Variants in NAV2 observed in about 807,000 individuals in gnomAD.
The protein encoded by NAV2 is helicase, APC down-regulated 1.
In NAV2, 54 loss-of-function variants were observed where a neutral mutation model predicts 223.2. That is an observed-to-expected ratio of 0.24 (90% CI 0.19 to 0.30). The LOEUF is 0.30. Among genes scored for constraint, NAV2 ranks in the 10% least tolerant of loss-of-function variants. The probability of loss-of-function intolerance (pLI) is 1.00; values close to 1 mark genes in which losing one functional copy is unlikely to be tolerated. For synonymous variants in NAV2, 1,279 were observed against 1,239.3 expected (o/e 1.03, Z -0.67); for missense variants, 2,806 against 3,147.5 (o/e 0.89, Z 2.60).
At chr11:19,351,120 G>T (rs1232868639) in intron 1 of NAV2, 1 of 1,274,108 alleles carries the variant, frequency 7.8e-7, no homozygotes, top group Non-Finnish European at 1.1e-6. Flanking sequence ...GAGCATGCTT[G>T]TCTGTCTTTC....
At chr11:19,582,998 C>T (rs1443737423) in intron 1 of NAV2, among the ~76,000 whole-genome samples, 1 of 152,196 alleles carries the variant, frequency 6.6e-6, no homozygotes, top group Non-Finnish European at 1.5e-5. Context: ...ATTGATTCTT[C>T]CTAACCATGA....
chr11:19,471,449 G>C (rs569987016), intron 1 of NAV2, among the ~76,000 whole-genome samples: 1 of 152,092 alleles, frequency 6.6e-6, no homozygotes, highest in African/African-American at 2.4e-5. Flanking sequence ...CCTCTGTGCC[G>C]GCCATGTGGT....
chr11:19,506,578 C>T (rs542549859), intron 1 of NAV2: 1 of 152,276 alleles, frequency 6.6e-6, no homozygotes, highest in Non-Finnish European at 1.5e-5. Flanking sequence ...TTGTGCCTGG[C>T]ACCTAGCAGG....
intron 1 of NAV2, among the ~76,000 whole-genome samples, chr11:19,726,926 C>G (rs1274439643): frequency 6.6e-6 from 1 of 152,234 alleles, no homozygotes; most frequent in Non-Finnish European, 1.5e-5. Context: ...GTCGCCACCT[C>G]TGTCTGGAGG....
chr11:19,501,694 G>A (rs757678705), intron 1 of NAV2, among the ~76,000 whole-genome samples: 21 of 151,966 alleles, frequency 1.4e-4, no homozygotes, highest in Admixed American at 3.3e-4. Flanking sequence ...TTCTCTTAGT[G>A]TAAAGATACT....
intron 6 of NAV2, among the ~76,000 whole-genome samples, chr11:19,921,576 C>T (rs2044273290): frequency 6.6e-6 from 1 of 152,166 alleles, no homozygotes; most frequent in Non-Finnish European, 1.5e-5. Flanking sequence ...TGACAGAAGG[C>T]TTGATGAAAA....
intron 11 of NAV2, among the ~76,000 whole-genome samples, chr11:20,024,614 G>A (rs954476371): frequency 8.5e-5 from 13 of 152,246 alleles, no homozygotes; most frequent in African/African-American, 2.9e-4. Context: ...ATCTTGACCT[G>A]AGGTCCCTTC....
At chr11:20,053,568 T>C (rs937594416) in intron 17 of NAV2, among the ~76,000 whole-genome samples, 3 of 152,336 alleles carry the variant, frequency 2.0e-5, no homozygotes, top group African/African-American at 2.4e-5. Flanking sequence ...TGAAGATTTG[T>C]TTGTGCTCTA....
At chr11:19,805,011 C>T (rs2058474995) in intron 1 of NAV2, among the ~76,000 whole-genome samples, 1 of 152,280 alleles carries the variant, frequency 6.6e-6, no homozygotes, top group East Asian at 1.9e-4. Flanking sequence ...ATCAGGGCAC[C>T]TGCTTAAGTG....
At chr11:20,107,570 C>A in intron 35 of NAV2, 94 bp from the exon 36 acceptor site, 2 of 940,894 alleles carry the variant, frequency 2.1e-6, no homozygotes, top group Non-Finnish European at 1.7e-6. Flanking sequence ...CGTCTAGGGT[C>A]CCTCCTGTGA....
chr11:20,113,503 A>G (rs1318452524), intron 36 of NAV2, among the ~76,000 whole-genome samples: 1 of 152,212 alleles, frequency 6.6e-6, no homozygotes, highest in African/African-American at 2.4e-5. Context: ...CATGGTGTTG[A>G]TCTTACCATA....
chr11:19,702,405 G>A (rs1358464804), intron 1 of NAV2, among the ~76,000 whole-genome samples: 1 of 152,204 alleles, frequency 6.6e-6, no homozygotes, highest in Non-Finnish European at 1.5e-5. Flanking sequence ...TGAAAAAGGA[G>A]AGGGCAGAGA....
rs1311105335 is a variant in NAV2, at chr11:19,872,101, T to G, written c.511+3104T>G. 2.6e-5 allele frequency among the ~76,000 whole-genome samples: 4 copies of G among 152,264 alleles called. No individual in the cohort carries two copies. The East Asian group carries it at 7.7e-4, about 29-fold the overall frequency. ...AAAGTGGCCCCAACGTCTGCCACAT[T>G]CTCAAACTTACAAAAAGCAAGGGTA... On this transcript the variant is annotated intron_variant, in intron 4 of 37. Coordinates refer to ENST00000349880, the MANE Select transcript of NAV2 (RefSeq NM_145117.5).
intron 11 of NAV2, among the ~76,000 whole-genome samples, chr11:20,029,283 G>T (rs1243243302): frequency 1.3e-5 from 2 of 152,190 alleles, no homozygotes; most frequent in Non-Finnish European, 2.9e-5. Context: ...GAACCCTCAC[G>T]GGTGGTAGTT....
At chr11:19,726,246 G>C (rs538861273) in intron 1 of NAV2, among the ~76,000 whole-genome samples, 11 of 152,262 alleles carry the variant, frequency 7.2e-5, no homozygotes, top group Non-Finnish European at 1.3e-4. Context: ...GGAAAGAGAG[G>C]CGTGTCAGAC....
At chr11:19,602,810 C>T (rs893486039) in intron 1 of NAV2, among the ~76,000 whole-genome samples, 4 of 144,186 alleles carry the variant, frequency 2.8e-5, no homozygotes, top group African/African-American at 1.0e-4. Context: ...ATTTAGGGGC[C>T]ACCCTAATCT....
intron 1 of NAV2, among the ~76,000 whole-genome samples, chr11:19,806,660 AG>A (rs1198367596): frequency 1.3e-5 from 2 of 152,178 alleles, no homozygotes; most frequent in African/African-American, 4.8e-5. Context: ...ATTTCTAAAG[AG>A]GGGATGGAGA....
chr11:20,088,832 G>A (rs748143369), intron 26 of NAV2, among the ~76,000 whole-genome samples: 1 of 152,128 alleles, frequency 6.6e-6, no homozygotes, highest in Non-Finnish European at 1.5e-5. Context: ...AGAACAGACT[G>A]TTCTCTGCAG....
chr11:19,439,582 G>A (rs977871017), intron 1 of NAV2, among the ~76,000 whole-genome samples: 1 of 152,212 alleles, frequency 6.6e-6, no homozygotes, highest in African/African-American at 2.4e-5. Flanking sequence ...GTTGCGAGCT[G>A]TGGATGGGAT....
Sources: gnomAD v4.1 joint callset for allele counts (sites outside exome capture counted in the v4.1 genomes callset) on GRCh38, gnomAD v4.1.1 for gene constraint, MANE v1.5 for transcripts, NCBI Gene and HGNC (gene_info 2026-07-23, HGNC 2026-07-21) for gene names.